The following WBP2NL variants were observed in gnomAD, a reference collection of about 807,000 sequenced individuals.
The protein encoded by WBP2NL is WBP2 N-terminal like, also known as postacrosomal sheath WW domain-binding protein.
Under a neutral mutation model 23.3 loss-of-function variants are expected in WBP2NL, and 27 were observed. The observed-to-expected ratio is 1.16, with a 90% CI of 0.85 to 1.60. The LOEUF (loss-of-function observed/expected upper bound fraction) is 1.60. Among genes scored for constraint, WBP2NL ranks in the 40% most tolerant of loss-of-function variants. The pLI, the probability that WBP2NL is intolerant of heterozygous loss-of-function variation, is 0.00. For missense variants in WBP2NL, 370 were observed against 389.5 expected, an observed-to-expected ratio of 0.95 and a Z score of 0.42; for synonymous variants, 151 against 145.9, an observed-to-expected ratio of 1.03 and a Z score of -0.25.
chr22:42,027,326 G>A lies in WBP2NL; in HGVS notation c.*145G>A. 9.5e-7 allele frequency: 1 copy of A among 1,056,864 alleles called. No homozygotes were observed. Among genetic ancestry groups the A allele is most frequent in the Non-Finnish European group, 1.3e-6 (1 of 766,942 alleles). 65.5% of individuals were successfully genotyped at this position (1,056,864 alleles called of 1,614,324 possible). ...CCTTTGGAAGGGCAATCTTATGGGG[G>A]AAGGTGAAACTTTACTTCTGTGCCT... On this transcript the variant is annotated 3_prime_UTR_variant, in exon 6 of 6. Coordinates refer to ENST00000328823, the MANE Select transcript of WBP2NL (RefSeq NM_152613.3).
At chr22:42,031,171 G>A (rs1924918071), downstream of WBP2NL, 1 of 152,236 alleles carries the variant, frequency 6.6e-6, no homozygotes, top group Admixed American at 6.5e-5. Context: ...ACGTGGTGCT[G>A]CGTGGCACAC....
intron 1 of WBP2NL, chr22:42,002,854 A>C (rs1278252733): frequency 6.6e-6 from 1 of 150,618 alleles, no homozygotes; most frequent in African/African-American, 2.4e-5. Context: ...ACTACTTTAA[A>C]GAACCAGAGA....
intron 1 of WBP2NL, among the ~76,000 whole-genome samples, chr22:42,007,078 G>T (rs1922322260): frequency 6.6e-6 from 1 of 152,064 alleles, no homozygotes; most frequent in South Asian, 2.1e-4. Flanking sequence ...TTCTCCAACT[G>T]CTTTATAACT....
At chr22:41,999,495 A>C (rs183808535) in intron 1 of WBP2NL, among the ~76,000 whole-genome samples, 3 of 152,172 alleles carry the variant, frequency 2.0e-5, no homozygotes, top group Non-Finnish European at 4.4e-5. Context: ...AAATTGAAAA[A>C]ATTGAGGCCA....
intron 4 of WBP2NL, among the ~76,000 whole-genome samples, chr22:42,020,905 TATA>T (rs565806891): frequency 1.8e-4 from 11 of 62,434 alleles, no homozygotes; most frequent in African/African-American, 3.1e-4. Context: ...TATATATATA[TATA>T]TTTTTTTTTT....
At chr22:42,040,377 C>G (rs554833658) in intron 8 of WBP2NL, among the ~76,000 whole-genome samples, 5 of 152,168 alleles carry the variant, frequency 3.3e-5, no homozygotes, top group Admixed American at 3.3e-4. Flanking sequence ...TGCCTGCCAC[C>G]ACGCCTGGCT....
intron 5 of WBP2NL, among the ~76,000 whole-genome samples, chr22:42,024,117 C>T (rs1018124480): frequency 1.3e-5 from 2 of 152,180 alleles, no homozygotes; most frequent in African/African-American, 4.8e-5. Flanking sequence ...TGGCTTATCT[C>T]ACTCAAGATA....
intron 8 of WBP2NL, among the ~76,000 whole-genome samples, chr22:42,051,369 G>C (rs1320868352): frequency 6.6e-6 from 1 of 152,120 alleles, no homozygotes; most frequent in Non-Finnish European, 1.5e-5. Flanking sequence ...GGATGAACCA[G>C]GTGGAACAAG....
downstream of WBP2NL, among the ~76,000 whole-genome samples, chr22:42,029,043 GC>G (rs1362326381): frequency 2.0e-5 from 3 of 152,178 alleles, no homozygotes. Flanking sequence ...AAGGCTTTCA[GC>G]CCCTTCAGAG....
intron 8 of WBP2NL, among the ~76,000 whole-genome samples, chr22:42,056,593 G>A (rs182362454): frequency 2.6e-4 from 39 of 152,170 alleles, no homozygotes; most frequent in Admixed American, 1.6e-3. Flanking sequence ...TGTTTATCTG[G>A]GAATGTTTTC....
At chr22:42,005,177 A>T (rs1014639265) in intron 1 of WBP2NL, among the ~76,000 whole-genome samples, 12 of 151,090 alleles carry the variant, frequency 7.9e-5, no homozygotes, top group African/African-American at 2.9e-4. Flanking sequence ...AGATCATGCC[A>T]CTGCATTTCA....
chr22:42,019,540 C>T, intron 2 of WBP2NL, 121 bp downstream of exon 2: 1 of 1,529,528 alleles, frequency 6.5e-7, no homozygotes, highest in East Asian at 2.3e-5. Flanking sequence ...ATTTTCCACA[C>T]TGAAGGGTGG....
downstream of WBP2NL, chr22:42,031,486 C>G (rs1924944512): frequency 1.3e-5 from 2 of 152,182 alleles, no homozygotes; most frequent in South Asian, 4.2e-4. Flanking sequence ...CTGTTGTCTA[C>G]TCTTTCATTT....
chr22:42,019,640 C>G, intron 2 of WBP2NL, 22 bp from the exon 3 acceptor site: 5 of 1,613,208 alleles, frequency 3.1e-6, no homozygotes, highest in Non-Finnish European at 4.2e-6. Flanking sequence ...ATTCCTTTTC[C>G]AAAGTTTCTG....
chr22:42,018,266 T>A (rs1309612903), intron 1 of WBP2NL, among the ~76,000 whole-genome samples: 10 of 143,710 alleles, frequency 7.0e-5, no homozygotes, highest in Non-Finnish European at 1.5e-4. Context: ...TGAGCAGAGA[T>A]TATGCCACTG....
intron 1 of WBP2NL, among the ~76,000 whole-genome samples, chr22:42,014,188 T>C (rs1386738169): frequency 1.3e-5 from 2 of 152,204 alleles, no homozygotes; most frequent in African/African-American, 4.8e-5. Context: ...CCCAAACTGC[T>C]GGGATTACAG....
intron 5 of WBP2NL, among the ~76,000 whole-genome samples, chr22:42,025,870 G>T (rs1398268357): frequency 2.0e-5 from 3 of 152,150 alleles, no homozygotes; most frequent in Non-Finnish European, 4.4e-5. Context: ...ACAACAAAAA[G>T]AGTCATCTAT....
At chr22:42,008,690 C>G (rs1190149824) in intron 1 of WBP2NL, among the ~76,000 whole-genome samples, 3 of 152,148 alleles carry the variant, frequency 2.0e-5, no homozygotes, top group African/African-American at 4.8e-5. Flanking sequence ...TCACTGCAAC[C>G]TCTGCCTCCC....
chr22:42,047,738 C>G (rs867706959), intron 8 of WBP2NL, among the ~76,000 whole-genome samples: 3 of 151,060 alleles, frequency 2.0e-5, no homozygotes, highest in Middle Eastern at 3.4e-3. Context: ...TCTCCTGCCT[C>G]AGCCTCCCCA....
Sources: gnomAD v4.1 joint callset for allele counts (sites outside exome capture counted in the v4.1 genomes callset) on GRCh38, gnomAD v4.1.1 for gene constraint, MANE v1.5 for transcripts, NCBI Gene and HGNC (gene_info 2026-07-23, HGNC 2026-07-21) for gene names.